GRM4: variants seen among roughly 807,000 people sequenced by gnomAD.
GRM4 encodes the protein glutamate metabotropic receptor 4.
A neutral mutation model predicts 81.7 loss-of-function variants in GRM4; 28 were observed. The observed-to-expected ratio is 0.34, with a 90% CI of 0.25 to 0.47. GRM4 has a LOEUF of 0.47. GRM4 is among the 20% of genes least tolerant of loss of function. GRM4 has a pLI of 1.00. For synonymous variants in GRM4, 488 were observed against 528.8 expected (o/e 0.92, Z 1.06); for missense variants, 948 against 1,290.0 (o/e 0.73, Z 4.06).
At chr6:34,137,732 C>T (rs904571938) in intron 1 of GRM4, among the ~76,000 whole-genome samples, 3 of 150,538 alleles carry the variant, frequency 2.0e-5, no homozygotes, top group African/African-American at 4.9e-5. Context: ...TACAGGAATG[C>T]GCCATCATGC....
At chr6:34,056,826 C>G (rs1765921704) in intron 5 of GRM4, 142 bp from the exon 6 acceptor site, 2 of 915,860 alleles carry the variant, frequency 2.2e-6, no homozygotes, top group South Asian at 3.5e-5. Context: ...CAGGAGAAAA[C>G]AAAATGTGGA....
chr6:34,118,948 G>C (rs961674066), intron 2 of GRM4, among the ~76,000 whole-genome samples: 3 of 152,160 alleles, frequency 2.0e-5, no homozygotes, highest in African/African-American at 7.2e-5. Flanking sequence ...AAATGTTCAT[G>C]GTTGAATCAG....
rs553288716 is a variant in GRM4 at position 34,028,033 on chromosome 6, G to A, written c.2689+87C>T. 9.5e-5 allele frequency: 133 copies of A among 1,401,872 alleles called. 4 individuals carry two copies. In the South Asian group the frequency reaches 1.7e-3, roughly 18 times the overall value. 86.8% of individuals were successfully genotyped at this position (1,401,872 alleles called of 1,614,324 possible). ...AGGATGGGGCATCGGGGCAGGGCGG[G>A]GTGGGGAGGGGCAGGAGCTCAGCCC... On this transcript the variant is annotated intron_variant, in intron 10 of 10. Coordinates refer to ENST00000538487, the MANE Select transcript of GRM4 (RefSeq NM_000841.4).
chr6:34,083,505 G>A (rs1178906067), intron 3 of GRM4, among the ~76,000 whole-genome samples: 3 of 152,180 alleles, frequency 2.0e-5, no homozygotes, highest in Non-Finnish European at 4.4e-5. Flanking sequence ...CACGTGCCAG[G>A]TCCACTTAAT....
upstream of GRM4, among the ~76,000 whole-genome samples, chr6:34,148,397 GACACACACAC>G (rs200873619): frequency 3.1e-3 from 18 of 5,858 alleles, no homozygotes; most frequent in East Asian, 0.01. Flanking sequence ...CACACACAGA[GACACACACAC>G]AGACACATAG....
In GRM4 at chr6:34,020,847, C is replaced by T. The variant is rs183769447; in HGVS notation, c.*1974G>A. 3.1e-4 allele frequency: 48 copies of T among 152,456 alleles called. No homozygotes were observed. Among genetic ancestry groups the T allele is most frequent in the African/African-American group, 1.1e-3 (46 of 41,572 alleles). The allele number at this position is 152,456 out of a possible 1,614,324, so 9.4% of individuals were successfully genotyped here. A position where few individuals can be genotyped will look rare whatever the true frequency, so the allele number is the denominator to read the frequency against. ...ACATACCTGGCATGATTCAATGTCC[C>T]AGCCTCAGTTATACACACACTCTCA... On this transcript the variant is annotated 3_prime_UTR_variant, in exon 11 of 11. Coordinates refer to ENST00000538487, the MANE Select transcript of GRM4 (RefSeq NM_000841.4).
Position 34,022,931 on chromosome 6 carries a change from T to G in GRM4, c.2690-61A>C, listed in dbSNP as rs1022975343. 3.1e-6 allele frequency: 4 copies of G among 1,302,622 alleles called. No homozygotes were observed. The highest frequency in any genetic ancestry group is 4.5e-6 in the Non-Finnish European group (4 of 896,072). 80.7% of individuals were successfully genotyped at this position (1,302,622 alleles called of 1,614,324 possible). Reference sequence around the variant, plus strand: ...GGGGCTGCTTTTCTCAAACTGTCCTTCCACATGGGCACAGCCCTGCACAAG... The same window carrying G: ...GGGGCTGCTTTTCTCAAACTGTCCTGCCACATGGGCACAGCCCTGCACAAG... On this transcript the variant is annotated intron_variant, in intron 10 of 10. Coordinates refer to ENST00000538487, the MANE Select transcript of GRM4 (RefSeq NM_000841.4). The surrounding 1 kb of genome is among the most constrained non-coding windows in gnomAD (Gnocchi z 5.6).
At position 34,080,449 on chromosome 6, in the gene GRM4, C is replaced by T. The variant is rs1767525479; in HGVS notation, c.736+11434G>A. On this transcript the variant is annotated intron_variant, in intron 3 of 10. Coordinates refer to ENST00000538487, the MANE Select transcript of GRM4 (RefSeq NM_000841.4). The surrounding 1 kb of genome is among the most constrained non-coding windows in gnomAD (Gnocchi z 5.4). ...GGCCAGGAGCTTCATCTGCTTAGTC[C>T]ACGGCCGTACCCCAGTGTCCTGGTC... 6.6e-6 allele frequency among the ~76,000 whole-genome samples: 1 copy of T among 152,226 alleles called. No homozygotes were observed. Among genetic ancestry groups the T allele is most frequent in the South Asian group, 2.1e-4 (1 of 4,830 alleles).
chr6:34,112,146 A>G (rs1293154903), intron 2 of GRM4, among the ~76,000 whole-genome samples: 2 of 152,206 alleles, frequency 1.3e-5, no homozygotes, highest in African/African-American at 4.8e-5. Flanking sequence ...GAGAAACCAG[A>G]TTGAAATTAA....
At chr6:34,137,018 C>T (rs1333957307) in intron 1 of GRM4, among the ~76,000 whole-genome samples, 3 of 152,170 alleles carry the variant, frequency 2.0e-5, no homozygotes, top group Non-Finnish European at 4.4e-5. Flanking sequence ...GAGCTGGGGG[C>T]ACATAGAAGG....
At chr6:34,063,558 TGC>T in intron 3 of GRM4, 1 of 149,604 alleles carries the variant, frequency 6.7e-6, no homozygotes, top group Non-Finnish European at 1.5e-5. Context: ...CACATGTGCG[TGC>T]ACACACACAC....
At chr6:34,075,868 A>G (rs1013049079) in intron 3 of GRM4, among the ~76,000 whole-genome samples, 2 of 152,186 alleles carry the variant, frequency 1.3e-5, no homozygotes, top group South Asian at 2.1e-4. Flanking sequence ...CCCCGTTTCC[A>G]TGCTCAACCG....
chr6:34,117,136 A>G (rs1769632148), intron 2 of GRM4, among the ~76,000 whole-genome samples: 1 of 152,256 alleles, frequency 6.6e-6, no homozygotes, highest in South Asian at 2.1e-4. Flanking sequence ...TGTGTATCTT[A>G]CAGTGTATAA....
At position 34,057,518 on chromosome 6, in the gene GRM4, TG is replaced by T. The variant is rs554119214; in HGVS notation, c.1028-835del. On this transcript the variant is annotated intron_variant, in intron 5 of 10. Transcript: ENST00000538487. ...GACGCTCTGGGCGGGATAATTCCTGTGGGGGGCCATCCTGTGCACCGTACGA... is the reference window on the plus strand; with the variant it reads ...GACGCTCTGGGCGGGATAATTCCTGTGGGGGCCATCCTGTGCACCGTACGA... Among the ~76,000 whole-genome samples the T allele has an allele frequency of 7.9e-5, 12 of 152,278 alleles. No homozygotes were observed. In the East Asian group the frequency reaches 2.3e-3, roughly 29 times the overall value.
chr6:34,141,027 G>A (rs1036772532), intron 1 of GRM4, among the ~76,000 whole-genome samples: 2 of 152,230 alleles, frequency 1.3e-5, no homozygotes, highest in Admixed American at 6.5e-5. Context: ...GAATCAGGTC[G>A]AGTCTCCAAT....
chr6:34,118,362 A>T (rs1769676740), intron 2 of GRM4, among the ~76,000 whole-genome samples: 2 of 152,094 alleles, frequency 1.3e-5, no homozygotes, highest in Admixed American at 6.5e-5. Flanking sequence ...CTGCACTAAG[A>T]GCTGCTGGAC....
chr6:34,094,703 G>T (rs112662630), intron 2 of GRM4, among the ~76,000 whole-genome samples: 2,262 of 152,220 alleles, frequency 0.015, 39 homozygotes, highest in African/African-American at 0.042. Flanking sequence ...CTAGCCAGGA[G>T]CGATCATCAC....
rs563323399 is a variant in GRM4 at position 34,064,367 on chromosome 6, G to A, written c.737-2339C>T. On this transcript the variant is annotated intron_variant, in intron 3 of 10. Transcript: ENST00000538487. This position sits in a 1 kb window ranked among gnomAD's most constrained non-coding sequence, Gnocchi z 4.4. ...AATGAAGAAATTGAGGCACAGAGAG[G>A]TTAAGTAGCTTCCCCAGGATCACAA... Among the ~76,000 whole-genome samples the A allele has an allele frequency of 1.3e-5, 2 of 152,340 alleles. No homozygotes were observed. Among genetic ancestry groups the A allele is most frequent in the South Asian group, 2.1e-4 (1 of 4,826 alleles).
intron 6 of GRM4, among the ~76,000 whole-genome samples, chr6:34,041,956 G>C (rs567446857): frequency 6.6e-6 from 1 of 152,312 alleles, no homozygotes; most frequent in Non-Finnish European, 1.5e-5. Context: ...CTCCATTGTA[G>C]AGATGAAGAA....
Sources: allele counts gnomAD v4.1 joint callset (sites outside exome capture counted in the v4.1 genomes callset), GRCh38; gene constraint gnomAD v4.1.1; non-coding constraint Gnocchi (gnomAD v3.1); transcripts MANE v1.5; gene names NCBI Gene and HGNC (gene_info 2026-07-23, HGNC 2026-07-21).